CTNNA3: variants seen among roughly 807,000 people sequenced by gnomAD.
CTNNA3 encodes catenin alpha-3.
In CTNNA3, 76 loss-of-function variants were observed where a neutral mutation model predicts 95.7. The observed-to-expected ratio is 0.79, with a 90% CI of 0.66 to 0.96. The LOEUF (loss-of-function observed/expected upper bound fraction) is 0.96. Ranked by LOEUF, CTNNA3 falls within the 40% of genes least tolerant of loss-of-function variation. The probability of loss-of-function intolerance (pLI) is 0.00; values close to 1 mark genes in which losing one functional copy is unlikely to be tolerated. For missense variants in CTNNA3, 1,191 were observed against 1,089.8 expected, an observed-to-expected ratio of 1.09 and a Z score of -1.31; for synonymous variants, 431 against 374.4, an observed-to-expected ratio of 1.15 and a Z score of -1.74.
At chr10:66,632,469 C>T (rs369201359) in intron 9 of CTNNA3, among the ~76,000 whole-genome samples, 58 of 148,784 alleles carry the variant, frequency 3.9e-4, no homozygotes, top group African/African-American at 1.4e-3. Context: ...GCAGGAGAAT[C>T]GCTTGAACCT....
chr10:66,233,188 A>T (rs953153690), intron 13 of CTNNA3, among the ~76,000 whole-genome samples: 11 of 139,652 alleles, frequency 7.9e-5, no homozygotes, highest in African/African-American at 2.4e-4. Flanking sequence ...AAAAAAAAAA[A>T]AAATTTCAGG....
intron 5 of CTNNA3, among the ~76,000 whole-genome samples, chr10:67,314,112 A>C (rs937104087): frequency 6.6e-6 from 1 of 152,254 alleles, no homozygotes; most frequent in African/African-American, 2.4e-5. Context: ...GAAGATGCAC[A>C]TAATTTGAAT....
intron 5 of CTNNA3, among the ~76,000 whole-genome samples, chr10:67,307,217 CA>C (rs1250694352): frequency 1.3e-5 from 2 of 151,926 alleles, no homozygotes; most frequent in East Asian, 1.9e-4. Context: ...TTAATAAATG[CA>C]AAAAAATGCA....
intron 7 of CTNNA3, among the ~76,000 whole-genome samples, chr10:67,160,872 C>T (rs1452283219): frequency 6.6e-6 from 1 of 152,160 alleles, no homozygotes; most frequent in Non-Finnish European, 1.5e-5. Context: ...AAATCTTGCA[C>T]TGTGACAACA....
rs746704810 is a variant in CTNNA3 at position 65,920,404 on chromosome 10, T to G, written c.2614A>C (p.Arg872=). Residue 872 remains arginine (R), a synonymous_variant, in exon 18 of 18, where the codon AGA becomes CGA. Transcript: ENST00000433211. ...EKPEETCAAV[R]RGSAKKKIHP... ...ATTTTTTTCTTTGCTGAGCCTCGTCTGACAGCTGCACACGTTTCCTCTGGC... is the reference window on the plus strand; with the variant it reads ...ATTTTTTTCTTTGCTGAGCCTCGTCGGACAGCTGCACACGTTTCCTCTGGC... 17 of 1,614,098 alleles carry G rather than the reference T, an allele frequency of 1.1e-5. No homozygotes were observed. The highest frequency in any genetic ancestry group is 1.4e-5 in the Non-Finnish European group (17 of 1,180,030).
At chr10:66,599,318 T>C (rs987083916) in intron 10 of CTNNA3, among the ~76,000 whole-genome samples, 11 of 152,048 alleles carry the variant, frequency 7.2e-5, no homozygotes, top group South Asian at 2.1e-4. Flanking sequence ...CAACTCTTTA[T>C]TAACATCCAC....
intron 15 of CTNNA3, among the ~76,000 whole-genome samples, chr10:66,002,233 T>G (rs1037474818): frequency 6.6e-6 from 1 of 152,208 alleles, no homozygotes; most frequent in Non-Finnish European, 1.5e-5. Flanking sequence ...TCTTCTACTA[T>G]TCAAACATGA....
chr10:66,925,990 C>T (rs1314654852), intron 7 of CTNNA3: 2 of 456,568 alleles, frequency 4.4e-6, no homozygotes, highest in Admixed American at 2.3e-5. Flanking sequence ...TGTTCTTCAC[C>T]ACTGGGGGCA....
At position 66,410,072 on chromosome 10, in the gene CTNNA3, A is replaced by G. The variant is rs7921769; in HGVS notation, c.1532-30720T>C. On this transcript the variant is annotated intron_variant, in intron 11 of 17. Coordinates refer to ENST00000433211, the MANE Select transcript of CTNNA3 (RefSeq NM_013266.4). The stretch of plus-strand genomic sequence containing the variant: ...GCAAGCAATAAACATCCAGACAAAT[A>G]CATCTATATTTTTAAAAGGACTTTC... Among the ~76,000 whole-genome samples, 897 of 152,358 alleles carry G rather than the reference A, an allele frequency of 5.9e-3. 6 individuals are homozygous for G. Among genetic ancestry groups the G allele is most frequent in the African/African-American group, 0.02 (851 of 41,584 alleles).
intron 5 of CTNNA3, among the ~76,000 whole-genome samples, chr10:67,426,063 C>T (rs1247698971): frequency 1.3e-5 from 2 of 152,014 alleles, no homozygotes; most frequent in Non-Finnish European, 1.5e-5. Context: ...AAAACACACA[C>T]GAGTGTTCCA....
At chr10:66,130,633 T>G (rs2083044963) in intron 13 of CTNNA3, among the ~76,000 whole-genome samples, 1 of 151,628 alleles carries the variant, frequency 6.6e-6, no homozygotes, top group Non-Finnish European at 1.5e-5. Flanking sequence ...TCGTGAGGTC[T>G]CGAGTTCGAG....
intron 5 of CTNNA3, among the ~76,000 whole-genome samples, chr10:67,321,438 G>C (rs900265249): frequency 6.6e-6 from 1 of 151,980 alleles, no homozygotes; most frequent in Admixed American, 6.6e-5. Flanking sequence ...TAAACAGCCC[G>C]TATCTTCAGT....
intron 16 of CTNNA3, among the ~76,000 whole-genome samples, chr10:65,980,380 C>T (rs1335312081): frequency 6.6e-6 from 1 of 151,854 alleles, no homozygotes; most frequent in Non-Finnish European, 1.5e-5. Context: ...CAGACAAATT[C>T]ACAGCTGAAT....
intron 5 of CTNNA3, among the ~76,000 whole-genome samples, chr10:67,415,069 T>A (rs746368714): frequency 6.6e-6 from 1 of 152,146 alleles, no homozygotes; most frequent in Non-Finnish European, 1.5e-5. Context: ...GGGCAAATGA[T>A]GGAAATATTT....
rs56383845 is a variant in CTNNA3, at chr10:66,145,950, T to G, written c.1885-42701A>C. Among the ~76,000 whole-genome samples the G allele has an allele frequency of 2.3e-3, 347 of 151,988 alleles. 2 individuals are homozygous for G. The highest frequency in any genetic ancestry group is 7.8e-3 in the African/African-American group (322 of 41,428). On this transcript the variant is annotated intron_variant, in intron 13 of 17. Coordinates refer to ENST00000433211, the MANE Select transcript of CTNNA3 (RefSeq NM_013266.4). The stretch of plus-strand genomic sequence containing the variant: ...CTCACTGCAACTTCTATCTCCCCGG[T>G]TCAAGCGATTCTCCTGCCTCAGCCT...
chr10:67,607,027 G>A lies in CTNNA3; in HGVS notation c.122C>T (p.Pro41Leu). 2 of 1,613,260 alleles carry A rather than the reference G, an allele frequency of 1.2e-6. No individual in the cohort carries two copies. Among genetic ancestry groups the A allele is most frequent in the Non-Finnish European group, 1.7e-6 (2 of 1,179,734 alleles). ...IIQVTTLVNC[P>L]QNPSSRKKGR... ...TTTTTTCCTGCTGGAAGGGTTCTGG[G>A]GACAGTTTACAAGTGTGGTAACCTA... is the stretch of plus-strand genomic sequence containing the variant. The change falls in exon 3 of 18, where the codon CCC becomes CTC. Residue 41 changes from proline to leucine, a missense_variant. Transcript: ENST00000433211.
chr10:67,060,325 T>C (rs1453601775), intron 7 of CTNNA3, among the ~76,000 whole-genome samples: 1 of 152,078 alleles, frequency 6.6e-6, no homozygotes, highest in East Asian at 1.9e-4. Context: ...AGAAAAGTCT[T>C]TTTAAAAAAA....
chr10:66,913,882 C>G (rs981964286), intron 7 of CTNNA3, among the ~76,000 whole-genome samples: 1 of 152,144 alleles, frequency 6.6e-6, no homozygotes, highest in Non-Finnish European at 1.5e-5. Context: ...AGCAGTGAGA[C>G]TTGGGACTGA....
chr10:67,491,593 G>A (rs1352267622), intron 5 of CTNNA3, among the ~76,000 whole-genome samples: 1 of 152,168 alleles, frequency 6.6e-6, no homozygotes, highest in Non-Finnish European at 1.5e-5. Context: ...GAAATGTGAT[G>A]TATTCAAAGA....
Sources: allele counts gnomAD v4.1 joint callset (sites outside exome capture counted in the v4.1 genomes callset), GRCh38; gene constraint gnomAD v4.1.1; transcripts MANE v1.5; gene names NCBI Gene and HGNC (gene_info 2026-07-23, HGNC 2026-07-21).